Variants in DACH2 observed in about 807,000 individuals in gnomAD.
DACH2 encodes dachshund homolog 2.
A neutral mutation model predicts 35.8 loss-of-function variants in DACH2; 17 were observed. The ratio of observed to expected loss-of-function variants is 0.48; its 90% CI spans 0.33 to 0.71. DACH2 has a LOEUF of 0.71. DACH2 is among the 30% of genes least tolerant of loss of function. The pLI is 0.02. For synonymous variants in DACH2, 195 were observed against 177.3 expected, an observed-to-expected ratio of 1.10 and a Z score of -0.79; for missense variants, 469 against 472.7, an observed-to-expected ratio of 0.99 and a Z score of 0.07.
chrX:86,291,157 T>C (rs193067796), intron 1 of DACH2, among the ~76,000 whole-genome samples: 6,195 of 107,987 alleles, frequency 0.057, 509 homozygotes, highest in African/African-American at 0.2. Flanking sequence ...GTATGTTGGA[T>C]TCCTAGGTAT....
At chrX:86,687,380 A>AC (rs2040957609) in intron 4 of DACH2, among the ~76,000 whole-genome samples, 1 of 111,785 alleles carries the variant, frequency 8.9e-6, no homozygotes, top group Non-Finnish European at 1.9e-5. Context: ...ATCATTAAAA[A>AC]GTAAGGAAAC....
intron 11 of DACH2, among the ~76,000 whole-genome samples, chrX:86,816,743 A>T (rs1181055995): frequency 8.9e-6 from 1 of 112,271 alleles, no homozygotes; most frequent in African/African-American, 3.2e-5. Context: ...GCAAAAGCAC[A>T]TAAAAATGAG....
At chrX:86,255,790 A>G (rs970467598) in intron 1 of DACH2, among the ~76,000 whole-genome samples, 2 of 112,286 alleles carry the variant, frequency 1.8e-5, no homozygotes, top group South Asian at 3.6e-4. Context: ...CATTAAGATG[A>G]TATTAGTGAA....
At chrX:86,678,485 A>G (rs1349102272) in intron 4 of DACH2, among the ~76,000 whole-genome samples, 1 of 112,226 alleles carries the variant, frequency 8.9e-6, no homozygotes, top group East Asian at 2.8e-4. Flanking sequence ...CTTGGTAAAA[A>G]TAAGACAATA....
intron 3 of DACH2, among the ~76,000 whole-genome samples, chrX:86,564,104 T>C (rs1269970071): frequency 9.0e-6 from 1 of 110,611 alleles, no homozygotes; most frequent in East Asian, 2.9e-4. Flanking sequence ...TGTTTCCTAT[T>C]TTTCTTCCTC....
At chrX:86,367,789 AT>A (rs2035828034) in intron 1 of DACH2, among the ~76,000 whole-genome samples, 1 of 111,652 alleles carries the variant, frequency 9.0e-6, no homozygotes, top group Non-Finnish European at 1.9e-5. Flanking sequence ...TTGGAAAATA[AT>A]TTTTCATGGA....
In DACH2 at chrX:86,409,568, A is replaced by G. The variant is rs1468834483; in HGVS notation, c.527+32706A>G. On this transcript the variant is annotated intron_variant, in intron 2 of 11. Coordinates refer to ENST00000373125, the MANE Select transcript of DACH2 (RefSeq NM_053281.3). ...CCTTCTCTCTCCTGCTCCTACATTCACCATGTGACATACCTGCTCCCCCTT... is the reference window on the plus strand; with the variant it reads ...CCTTCTCTCTCCTGCTCCTACATTCGCCATGTGACATACCTGCTCCCCCTT... Among the ~76,000 whole-genome samples, 4 of 110,564 alleles carry G rather than the reference A, an allele frequency of 3.6e-5. No homozygotes were observed. In the Admixed American group the frequency reaches 3.9e-4, roughly 11 times the overall value.
chrX:86,746,459 T>C (rs1260085925), intron 7 of DACH2, among the ~76,000 whole-genome samples: 2 of 111,976 alleles, frequency 1.8e-5, no homozygotes, highest in Non-Finnish European at 3.8e-5. Flanking sequence ...ATGTTTGCGA[T>C]GTATTATCTC....
chrX:86,219,966 G>C (rs2032664275), intron 1 of DACH2, among the ~76,000 whole-genome samples: 1 of 91,138 alleles, frequency 1.1e-5, no homozygotes, highest in African/African-American at 4.3e-5. Flanking sequence ...AGACTAGCCT[G>C]ACCAACATGG....
rs185148778 is a variant in DACH2 at position 86,746,817 on chromosome X, G to A, written c.1240+6935G>A. ...ATTTTTTGACACATGTGCTTTTGGT[G>A]TTGTATCTAAGAATGCTTCGTCCTT... On this transcript the variant is annotated intron_variant, in intron 7 of 11. Coordinates refer to ENST00000373125, the MANE Select transcript of DACH2 (RefSeq NM_053281.3). Among the ~76,000 whole-genome samples, 38 of 111,153 alleles carry A rather than the reference G, an allele frequency of 3.4e-4. No homozygotes were observed. In the East Asian group the frequency reaches 8.6e-3, roughly 25 times the overall value.
rs183648002 is a variant in DACH2, at chrX:86,497,684, T to C, written c.528-16595T>C. On this transcript the variant is annotated intron_variant, in intron 2 of 11. Transcript: ENST00000373125. ...TGTTGTAATATTCCTCTCTCAGTCA[T>C]GAGTGGTCAGTAGAAGTCAATTATA... 8.9e-5 allele frequency among the ~76,000 whole-genome samples: 10 copies of C among 111,814 alleles called. No individual in the cohort carries two copies. In the East Asian group the frequency reaches 2.8e-3, roughly 32 times the overall value.
intron 2 of DACH2, among the ~76,000 whole-genome samples, chrX:86,482,170 TGTATA>T (rs1042414654): frequency 2.7e-5 from 3 of 111,976 alleles, no homozygotes; most frequent in Non-Finnish European, 5.6e-5. Context: ...ACCACAAAAA[TGTATA>T]GTATTTTCAG....
intron 3 of DACH2, among the ~76,000 whole-genome samples, chrX:86,543,610 T>C (rs1295433215): frequency 2.7e-5 from 3 of 110,608 alleles, no homozygotes; most frequent in Non-Finnish European, 3.8e-5. Context: ...AGATGAAAGA[T>C]GAAATGGCCA....
intron 1 of DACH2, among the ~76,000 whole-genome samples, chrX:86,288,996 C>A (rs1302396310): frequency 9.0e-6 from 1 of 110,665 alleles, no homozygotes; most frequent in Non-Finnish European, 1.9e-5. Context: ...TGTGTTGAGT[C>A]TCACCTGAAG....
intron 4 of DACH2, among the ~76,000 whole-genome samples, chrX:86,679,431 T>G (rs1226952578): frequency 1.8e-5 from 2 of 112,060 alleles, no homozygotes; most frequent in Non-Finnish European, 3.8e-5. Context: ...ATATTGCTAT[T>G]GTTGACAATG....
At chrX:86,176,420 C>G (rs929589273) in intron 1 of DACH2, among the ~76,000 whole-genome samples, 1 of 110,324 alleles carries the variant, frequency 9.1e-6, no homozygotes, top group African/African-American at 3.3e-5. Context: ...AGGACAAGAC[C>G]CTTGGAGGAG....
intron 2 of DACH2, among the ~76,000 whole-genome samples, chrX:86,386,545 C>A (rs1445323608): frequency 9.0e-6 from 1 of 110,628 alleles, no homozygotes; most frequent in Non-Finnish European, 1.9e-5. Flanking sequence ...TTTTCTGTCC[C>A]ATTTATGTAT....
At chrX:86,562,155 G>T (rs946484692) in intron 3 of DACH2, among the ~76,000 whole-genome samples, 11 of 110,342 alleles carry the variant, frequency 1.0e-4, no homozygotes, top group African/African-American at 3.6e-4. Flanking sequence ...TTTTCATGGG[G>T]GTGGCCAGGT....
intron 1 of DACH2, among the ~76,000 whole-genome samples, chrX:86,173,663 ATAT>A (rs1264297453): frequency 3.6e-5 from 4 of 111,790 alleles, no homozygotes; most frequent in Non-Finnish European, 7.5e-5. Context: ...CATAATGGTA[ATAT>A]TGGGGAGTTG....
Sources: gnomAD v4.1 joint callset for allele counts (sites outside exome capture counted in the v4.1 genomes callset) on GRCh38, gnomAD v4.1.1 for gene constraint, MANE v1.5 for transcripts, NCBI Gene and HGNC (gene_info 2026-07-23, HGNC 2026-07-21) for gene names.